SAMSN1: variants seen among roughly 807,000 people sequenced by gnomAD.
SAMSN1 encodes the protein SAM domain, SH3 domain and nuclear localization signals 1, also known as SAM domain-containing protein SAMSN-1.
SAMSN1 carries 31 observed loss-of-function variants against 42.0 expected under a neutral mutation model. The ratio of observed to expected loss-of-function variants is 0.74; its 90% CI spans 0.55 to 1.00. The LOEUF (loss-of-function observed/expected upper bound fraction) is 1.00. SAMSN1 is among the 50% of genes least tolerant of loss of function. The pLI is 0.00. For synonymous variants in SAMSN1, 178 were observed against 151.9 expected (o/e 1.17, Z -1.26); for missense variants, 464 against 439.4 (o/e 1.06, Z -0.50).
chr21:14,495,666 G>C (rs989684900), intron 7 of SAMSN1: 1 of 152,114 alleles, frequency 6.6e-6, no homozygotes, highest in African/African-American at 2.4e-5. Flanking sequence ...GTTTTATGCA[G>C]GGGAATAATT....
intron 2 of SAMSN1, among the ~76,000 whole-genome samples, chr21:14,520,705 C>T (rs1436628168): frequency 6.6e-6 from 1 of 152,062 alleles, no homozygotes; most frequent in Non-Finnish European, 1.5e-5. Flanking sequence ...CCAACTGATT[C>T]TCTCTTAATA....
At chr21:14,632,809 T>G (rs462450) in intron 2 of SAMSN1, among the ~76,000 whole-genome samples, 1 of 151,962 alleles carries the variant, frequency 6.6e-6, no homozygotes, top group African/African-American at 2.4e-5. Flanking sequence ...ACTCAGTGAT[T>G]GTTGGCAGCA....
intron 7 of SAMSN1, chr21:14,593,635 T>C (rs1982159557): frequency 6.3e-6 from 1 of 158,770 alleles, no homozygotes; most frequent in Non-Finnish European, 1.4e-5. Context: ...GTTTCCAAGT[T>C]CTCTTTTTTA....
chr21:14,501,891 A>T (rs1356190686), intron 5 of SAMSN1, among the ~76,000 whole-genome samples: 1 of 152,222 alleles, frequency 6.6e-6, no homozygotes, highest in Non-Finnish European at 1.5e-5. Context: ...GACCATAATT[A>T]ACTATAGGCT....
intron 2 of SAMSN1, among the ~76,000 whole-genome samples, chr21:14,559,459 A>G (rs1396472814): frequency 6.6e-6 from 1 of 152,110 alleles, no homozygotes; most frequent in African/African-American, 2.4e-5. Flanking sequence ...TGACTGACTA[A>G]TGTCTTGACT....
chr21:14,574,322 G>A (rs1425834872), intron 2 of SAMSN1, among the ~76,000 whole-genome samples: 1 of 152,082 alleles, frequency 6.6e-6, no homozygotes, highest in Admixed American at 6.6e-5. Flanking sequence ...ATGATCATAG[G>A]AACTAATCTA....
chr21:14,538,996 C>A (rs1979821553), intron 1 of SAMSN1, among the ~76,000 whole-genome samples: 1 of 152,112 alleles, frequency 6.6e-6, no homozygotes, highest in Non-Finnish European at 1.5e-5. Context: ...AAGTAAAGGC[C>A]AAGATGTTCT....
chr21:14,624,150 A>T (rs975503364), intron 2 of SAMSN1, among the ~76,000 whole-genome samples: 1 of 152,226 alleles, frequency 6.6e-6, no homozygotes, highest in African/African-American at 2.4e-5. Context: ...AATTTATAGC[A>T]CTAAATGCCC....
intron 2 of SAMSN1, among the ~76,000 whole-genome samples, chr21:14,558,378 TA>T (rs368364591): frequency 3.7e-4 from 54 of 147,774 alleles, no homozygotes; most frequent in African/African-American, 1.1e-3. Flanking sequence ...ACGAACTATT[TA>T]AAAAAAAAAC....
chr21:14,492,483 G>T (rs561242416), intron 7 of SAMSN1, among the ~76,000 whole-genome samples: 28 of 152,230 alleles, frequency 1.8e-4, no homozygotes, highest in South Asian at 1.2e-3. Context: ...CAGGACTAGG[G>T]GCTTTGGGAA....
intron 7 of SAMSN1, among the ~76,000 whole-genome samples, chr21:14,491,902 G>T (rs1358169224): frequency 1.3e-5 from 2 of 151,998 alleles, no homozygotes; most frequent in East Asian, 3.9e-4. Flanking sequence ...ACAAAAATAG[G>T]AATACTGTGC....
At chr21:14,524,717 G>A (rs1022589654) in intron 1 of SAMSN1, among the ~76,000 whole-genome samples, 1 of 152,092 alleles carries the variant, frequency 6.6e-6, no homozygotes, top group African/African-American at 2.4e-5. Flanking sequence ...TCATCAAGAG[G>A]ATACTGATTG....
chr21:14,647,805 A>T (rs1244074491), intron 1 of SAMSN1, among the ~76,000 whole-genome samples: 1 of 141,480 alleles, frequency 7.1e-6, no homozygotes, highest in African/African-American at 2.6e-5. Context: ...GTTGGTGTAT[A>T]AGAATGCTTG....
Position 14,553,620 on chromosome 21 carries a change from G to A in SAMSN1, c.261+28516C>T, listed in dbSNP as rs185136271. The stretch of plus-strand genomic sequence containing the variant: ...GAAACATATCTCCTTAACAGAAAAA[G>A]GGCACTTACATCCTTTTAGATCCTT... On this transcript the variant is annotated intron_variant, in intron 2 of 8. Transcript: ENST00000285670. Among the ~76,000 whole-genome samples the A allele has an allele frequency of 1.0e-3, 159 of 152,192 alleles. 3 individuals carry two copies. Among genetic ancestry groups the A allele is most frequent in the East Asian group, 1.7e-3 (9 of 5,182 alleles).
intron 3 of SAMSN1, among the ~76,000 whole-genome samples, chr21:14,614,081 T>G (rs1982773532): frequency 2.0e-5 from 3 of 152,186 alleles, no homozygotes; most frequent in African/African-American, 7.2e-5. Flanking sequence ...AAACCAACTC[T>G]GAAAAAGCAT....
At chr21:14,597,303 C>T (rs1178921954) in intron 6 of SAMSN1, among the ~76,000 whole-genome samples, 1 of 152,042 alleles carries the variant, frequency 6.6e-6, no homozygotes, top group African/African-American at 2.4e-5. Flanking sequence ...AAAATTGGTC[C>T]CATTTTGTCC....
chr21:14,578,300 T>C (rs1981573759), intron 2 of SAMSN1, among the ~76,000 whole-genome samples: 1 of 152,110 alleles, frequency 6.6e-6, no homozygotes, highest in Non-Finnish European at 1.5e-5. Flanking sequence ...GCCGGCAATG[T>C]CGGAGCTGCA....
At chr21:14,497,486 G>A (rs1373869132) in intron 7 of SAMSN1, among the ~76,000 whole-genome samples, 4 of 152,034 alleles carry the variant, frequency 2.6e-5, no homozygotes, top group East Asian at 1.9e-4. Context: ...TCAGCTACTC[G>A]GAGGCTGAGG....
intron 2 of SAMSN1, among the ~76,000 whole-genome samples, chr21:14,577,667 A>T (rs1981551824): frequency 6.6e-6 from 1 of 151,904 alleles, no homozygotes; most frequent in Non-Finnish European, 1.5e-5. Flanking sequence ...TCTTCTTATA[A>T]ATTGATTTGA....
Sources: gnomAD v4.1 joint callset for allele counts (sites outside exome capture counted in the v4.1 genomes callset) on GRCh38, gnomAD v4.1.1 for gene constraint, MANE v1.5 for transcripts, NCBI Gene and HGNC (gene_info 2026-07-23, HGNC 2026-07-21) for gene names.